Variants in LINC00305 observed in about 807,000 individuals in gnomAD.
The protein encoded by LINC00305 is long independently transcribed non-coding RNA 305.
chr18:64,093,673 T>G (rs532972251), intron 3 of LINC00305, among the ~76,000 whole-genome samples: 1 of 152,320 alleles, frequency 6.6e-6, no homozygotes, highest in East Asian at 1.9e-4. Context: ...TCACAGGGGT[T>G]GTAGCCATGG....
rs1361631579 is a variant in LINC00305, at chr18:64,113,953, A to G, written n.315-15313T>C. Among the ~76,000 whole-genome samples, 7 of 152,216 alleles carry G rather than the reference A, an allele frequency of 4.6e-5. No homozygotes were observed. The South Asian group carries it at 6.2e-4, about 14-fold the overall frequency. On this transcript the variant is annotated intron_variant and non_coding_transcript_variant, in intron 1 of 3. Transcript: ENST00000666468. ...ATAAAATCTTAAGCAGAGTTTTATG[A>G]AATTTATGGGAAGCACATAAAAATG...
At chr18:64,133,634 CTTTG>C (rs773338748) in intron 1 of LINC00305, among the ~76,000 whole-genome samples, 4 of 152,160 alleles carry the variant, frequency 2.6e-5, no homozygotes, top group African/African-American at 4.8e-5. Context: ...CTTGCCTTTA[CTTTG>C]TTTGTCTTGC....
chr18:64,096,002 A>ACC (rs1293225049), intron 3 of LINC00305, among the ~76,000 whole-genome samples: 8 of 152,094 alleles, frequency 5.3e-5, no homozygotes, highest in African/African-American at 1.9e-4. Context: ...ATGCTAGAAG[A>ACC]ATTCTCACAG....
At chr18:64,091,168 T>C (rs2051223489) in intron 3 of LINC00305, among the ~76,000 whole-genome samples, 1 of 152,242 alleles carries the variant, frequency 6.6e-6, no homozygotes, top group Admixed American at 6.5e-5. Context: ...TCATTGCCTC[T>C]TTCTGGATTG....
At chr18:64,144,434 A>T (rs1173181474) in intron 1 of LINC00305, among the ~76,000 whole-genome samples, 1 of 152,218 alleles carries the variant, frequency 6.6e-6, no homozygotes, top group East Asian at 1.9e-4. Flanking sequence ...AAGAGAATGC[A>T]GTGTTACTGA....
intron 1 of LINC00305, among the ~76,000 whole-genome samples, chr18:64,144,045 AG>A (rs1192137393): frequency 2.0e-5 from 3 of 152,204 alleles, no homozygotes; most frequent in African/African-American, 7.2e-5. Context: ...TAATTATAGA[AG>A]GAAGATTTGC....
intron 1 of LINC00305, among the ~76,000 whole-genome samples, chr18:64,100,116 A>G (rs562690657): frequency 9.2e-5 from 14 of 152,202 alleles, no homozygotes; most frequent in Non-Finnish European, 1.9e-4. Flanking sequence ...GGCTAACTCC[A>G]AGAAGTTTAA....
rs34096602 is a variant in LINC00305, at chr18:64,137,847, TAC to T, written n.314+10926_314+10927del. Among the ~76,000 whole-genome samples, 813 of 148,188 alleles carry T rather than the reference TAC, an allele frequency of 5.5e-3. 7 individuals carry two copies. Among genetic ancestry groups the T allele is most frequent in the African/African-American group, 0.012 (480 of 40,362 alleles). On this transcript the variant is annotated intron_variant and non_coding_transcript_variant, in intron 1 of 3. Coordinates refer to ENST00000666468, the Ensembl canonical transcript of LINC00305. ...AGCCATTAAATAATATACACACACA[TAC>T]ACACACACACACACACACACAATAT...
chr18:64,121,892 T>C (rs1345353725), intron 1 of LINC00305, among the ~76,000 whole-genome samples: 1 of 152,120 alleles, frequency 6.6e-6, no homozygotes, highest in Non-Finnish European at 1.5e-5. Flanking sequence ...TTCTGACTAG[T>C]GTTAAGACGA....
At chr18:64,124,839 T>C (rs2051377897) in intron 1 of LINC00305, among the ~76,000 whole-genome samples, 1 of 152,088 alleles carries the variant, frequency 6.6e-6, no homozygotes, top group Non-Finnish European at 1.5e-5. Context: ...ACAGAGAGAT[T>C]AAATAAACTG....
chr18:64,080,435 G>A, intron 3 of LINC00305: 1 of 424,272 alleles, frequency 2.4e-6, no homozygotes, highest in Non-Finnish European at 4.7e-6. Context: ...CATTATTGCA[G>A]TAGAGAAAGA....
intron 3 of LINC00305, among the ~76,000 whole-genome samples, chr18:64,085,443 C>G (rs2051199505): frequency 6.6e-6 from 1 of 151,606 alleles, no homozygotes; most frequent in Non-Finnish European, 1.5e-5. Context: ...TGTTGTGTTA[C>G]TCTAATCTCT....
intron 3 of LINC00305, among the ~76,000 whole-genome samples, chr18:64,092,986 C>T (rs1287591371): frequency 2.6e-5 from 4 of 152,244 alleles, no homozygotes; most frequent in African/African-American, 4.8e-5. Context: ...ATCACACATC[C>T]AGTAAGCAAT....
rs564926821 is a variant in LINC00305 at position 64,101,453 on chromosome 18, T to C, written n.315-2813A>G. ...GGTGGTTGCTGGCAATTTTTAGCTT[T>C]CTTTGGTTTGTAGCCACATCACTCC... On this transcript the variant is annotated intron_variant and non_coding_transcript_variant, in intron 1 of 3. Coordinates refer to ENST00000666468, the Ensembl canonical transcript of LINC00305. Among the ~76,000 whole-genome samples, 37 of 152,254 alleles carry C rather than the reference T, an allele frequency of 2.4e-4. 1 individual carries two copies. The highest frequency in any genetic ancestry group is 8.9e-4 in the African/African-American group (37 of 41,542).
intron 1 of LINC00305, among the ~76,000 whole-genome samples, chr18:64,112,319 C>T (rs2051318243): frequency 7.0e-6 from 1 of 142,662 alleles, no homozygotes; most frequent in Non-Finnish European, 1.5e-5. Context: ...CAAACGTTTC[C>T]ATTTTGCACA....
At chr18:64,100,702 G>C (rs1264488003) in intron 1 of LINC00305, among the ~76,000 whole-genome samples, 1 of 152,070 alleles carries the variant, frequency 6.6e-6, no homozygotes, top group African/African-American at 2.4e-5. Context: ...TATTTCTCCT[G>C]GGATTTACAG....
At chr18:64,146,522 C>A (rs569287637) in intron 1 of LINC00305, among the ~76,000 whole-genome samples, 1 of 152,252 alleles carries the variant, frequency 6.6e-6, no homozygotes, top group East Asian at 1.9e-4. Flanking sequence ...TTTGATCGAC[C>A]TGGTGCCCCA....
chr18:64,114,294 A>C (rs1452025775), intron 1 of LINC00305, among the ~76,000 whole-genome samples: 2 of 152,174 alleles, frequency 1.3e-5, no homozygotes, highest in East Asian at 3.9e-4. Flanking sequence ...AACTTTCCAA[A>C]GAGGTTCTCC....
chr18:64,144,804 C>G (rs774442695), intron 1 of LINC00305, among the ~76,000 whole-genome samples: 10 of 152,162 alleles, frequency 6.6e-5, no homozygotes, highest in Non-Finnish European at 1.0e-4. Flanking sequence ...GCCAGCAGCG[C>G]GGGATGTGCT....
Sources: allele counts gnomAD v4.1 joint callset (sites outside exome capture counted in the v4.1 genomes callset), GRCh38; gene constraint gnomAD v4.1.1; transcripts MANE v1.5; gene names NCBI Gene and HGNC (gene_info 2026-07-23, HGNC 2026-07-21).